MACROD2: variants seen among roughly 807,000 people sequenced by gnomAD.
The protein encoded by MACROD2 is ADP-ribose glycohydrolase MACROD2.
MACROD2 carries 36 observed loss-of-function variants against 70.4 expected under a neutral mutation model. That is an observed-to-expected ratio of 0.51 (90% CI 0.39 to 0.68). The LOEUF is 0.68. Ranked by LOEUF, MACROD2 falls within the 30% of genes least tolerant of loss-of-function variation. MACROD2 has a pLI of 0.00. For missense variants in MACROD2, 496 were observed against 538.4 expected, an observed-to-expected ratio of 0.92 and a Z score of 0.78; for synonymous variants, 172 against 178.8, an observed-to-expected ratio of 0.96 and a Z score of 0.30.
chr20:14,961,301 C>A (rs1412069108), intron 5 of MACROD2, among the ~76,000 whole-genome samples: 1 of 152,026 alleles, frequency 6.6e-6, no homozygotes, highest in African/African-American at 2.4e-5. Context: ...GTCCAAAAAT[C>A]TCATTTTACA....
chr20:14,511,124 T>C (rs2085024824), intron 4 of MACROD2, among the ~76,000 whole-genome samples: 1 of 152,122 alleles, frequency 6.6e-6, no homozygotes, highest in Admixed American at 6.6e-5. Context: ...AACTGCTTTT[T>C]CTTAGAGCTG....
chr20:15,030,506 G>C (rs1172429510), intron 5 of MACROD2, among the ~76,000 whole-genome samples: 1 of 152,164 alleles, frequency 6.6e-6, no homozygotes, highest in African/African-American at 2.4e-5. Flanking sequence ...GCAGCATTGA[G>C]CTCTAGTTGC....
chr20:15,593,666 G>A (rs2048708063), intron 8 of MACROD2, among the ~76,000 whole-genome samples: 2 of 152,120 alleles, frequency 1.3e-5, no homozygotes, highest in Admixed American at 6.5e-5. Context: ...TTCAAGAGGT[G>A]GTCTATTTTC....
At chr20:14,403,551 A>T (rs1485781341) in intron 3 of MACROD2, among the ~76,000 whole-genome samples, 1 of 152,240 alleles carries the variant, frequency 6.6e-6, no homozygotes, top group Non-Finnish European at 1.5e-5. Context: ...ATAGAATTGC[A>T]GCATCAGAAA....
rs753367201 is a variant in MACROD2, at chr20:14,705,045, C to CA, written c.418+20089dup. 2.0e-5 allele frequency among the ~76,000 whole-genome samples: 3 copies of CA among 151,714 alleles called. No individual in the cohort carries two copies. In the East Asian group the frequency reaches 5.8e-4, roughly 29 times the overall value. ...TAGTAAAATGATTACTATAGTGAAGCAAATTAACAGATTCATCATCTTACA... is the reference window on the plus strand; with the variant it reads ...TAGTAAAATGATTACTATAGTGAAGCAAAATTAACAGATTCATCATCTTACA... On this transcript the variant is annotated intron_variant, in intron 5 of 17. Coordinates refer to ENST00000684519, the MANE Select transcript of MACROD2 (RefSeq NM_001351661.2).
intron 5 of MACROD2, among the ~76,000 whole-genome samples, chr20:14,867,897 T>C (rs936840032): frequency 5.9e-5 from 9 of 152,078 alleles, no homozygotes; most frequent in African/African-American, 2.2e-4. Flanking sequence ...TTCTGCCCTA[T>C]CTTGCACCAT....
chr20:15,168,995 G>A (rs1455300901), intron 5 of MACROD2, among the ~76,000 whole-genome samples: 2 of 152,130 alleles, frequency 1.3e-5, no homozygotes, highest in African/African-American at 4.8e-5. Context: ...GGTTTAAAAA[G>A]GCTGGAGAGA....
intron 3 of MACROD2, among the ~76,000 whole-genome samples, chr20:14,178,494 C>T (rs866363203): frequency 2.0e-5 from 3 of 151,980 alleles, no homozygotes; most frequent in African/African-American, 7.3e-5. Flanking sequence ...TTAGAAAGTA[C>T]TTTTGTGTTC....
chr20:14,125,671 A>G (rs2054639701), intron 3 of MACROD2, among the ~76,000 whole-genome samples: 1 of 152,166 alleles, frequency 6.6e-6, no homozygotes, highest in Non-Finnish European at 1.5e-5. Context: ...AGTGTTTATA[A>G]CATACTTTTA....
intron 3 of MACROD2, among the ~76,000 whole-genome samples, chr20:14,268,152 T>A (rs1262505135): frequency 6.6e-6 from 1 of 152,134 alleles, no homozygotes; most frequent in Non-Finnish European, 1.5e-5. Flanking sequence ...TTTTTAGTTG[T>A]GGTTGTTTCT....
intron 3 of MACROD2, among the ~76,000 whole-genome samples, chr20:14,190,383 A>G (rs1209791078): frequency 6.6e-6 from 1 of 152,030 alleles, no homozygotes; most frequent in Admixed American, 6.5e-5. Flanking sequence ...TGAATTTCCT[A>G]ATTAGTGTTT....
intron 5 of MACROD2, among the ~76,000 whole-genome samples, chr20:14,817,282 T>A (rs2072784702): frequency 6.6e-6 from 1 of 152,144 alleles, no homozygotes; most frequent in South Asian, 2.1e-4. Flanking sequence ...GAAGAAACAT[T>A]TCATGGCAGG....
In MACROD2 at chr20:15,857,365, G is replaced by A. The variant is rs558485732; in HGVS notation, c.646-5380G>A. Among the ~76,000 whole-genome samples, 7 of 152,282 alleles carry A rather than the reference G, an allele frequency of 4.6e-5. No individual in the cohort carries two copies. The South Asian group carries it at 1.5e-3, about 32-fold the overall frequency. ...AAATGAAAGTCACAAGGGAAAACTG[G>A]AATCCACAGAGATCCACAGGCCCAT... is the stretch of plus-strand genomic sequence containing the variant. On this transcript the variant is annotated intron_variant, in intron 8 of 17. Transcript: ENST00000684519.
At chr20:15,887,376 G>A (rs56194188) in intron 10 of MACROD2, among the ~76,000 whole-genome samples, 6,631 of 152,264 alleles carry the variant, frequency 0.044, 217 homozygotes, top group Non-Finnish European at 0.069. Flanking sequence ...ATGAGAAGCA[G>A]AAGCAGAATC....
rs949704113 is a variant in MACROD2 at position 15,110,235 on chromosome 20, G to T, written c.419-119705G>T. ...CAGAAAGAACTTGAGGAGATCTGTT[G>T]GTTCCTTTGGATGAAGAAATGAAAT... On this transcript the variant is annotated intron_variant, in intron 5 of 17. Coordinates refer to ENST00000684519, the MANE Select transcript of MACROD2 (RefSeq NM_001351661.2). Among the ~76,000 whole-genome samples, 38 of 152,092 alleles carry T rather than the reference G, an allele frequency of 2.5e-4. 1 individual carries two copies. Among genetic ancestry groups the T allele is most frequent in the Non-Finnish European group, 4.9e-4 (33 of 67,990 alleles).
chr20:15,786,235 C>T (rs2051925236), intron 8 of MACROD2, among the ~76,000 whole-genome samples: 1 of 148,414 alleles, frequency 6.7e-6, no homozygotes, highest in African/African-American at 2.5e-5. Context: ...AAAAGATATC[C>T]AGTGTATTAA....
At chr20:14,331,451 A>T (rs1477455735) in intron 3 of MACROD2, among the ~76,000 whole-genome samples, 1 of 152,122 alleles carries the variant, frequency 6.6e-6, no homozygotes, top group East Asian at 1.9e-4. Context: ...ATAATGTGGG[A>T]TTAACAGAAA....
chr20:14,749,625 C>G (rs2071843522), intron 5 of MACROD2, among the ~76,000 whole-genome samples: 1 of 152,096 alleles, frequency 6.6e-6, no homozygotes, highest in Admixed American at 6.6e-5. Flanking sequence ...AAACAATAAT[C>G]TGTAACTGAA....
chr20:15,117,683 A>G (rs1477764714), intron 5 of MACROD2, among the ~76,000 whole-genome samples: 1 of 152,218 alleles, frequency 6.6e-6, no homozygotes, highest in Non-Finnish European at 1.5e-5. Flanking sequence ...TAAAAGGTAC[A>G]GAGATAGATT....
Sources: allele counts gnomAD v4.1 joint callset (sites outside exome capture counted in the v4.1 genomes callset), GRCh38; gene constraint gnomAD v4.1.1; transcripts MANE v1.5; gene names NCBI Gene and HGNC (gene_info 2026-07-23, HGNC 2026-07-21).